Variants in ZNF385B observed in about 807,000 individuals in gnomAD.
The protein encoded by ZNF385B is zinc finger protein 533.
ZNF385B carries 23 observed loss-of-function variants against 39.2 expected under a neutral mutation model. That is an observed-to-expected ratio of 0.59 (90% CI 0.42 to 0.83). ZNF385B has a LOEUF of 0.83. Among genes scored for constraint, ZNF385B ranks in the 40% least tolerant of loss-of-function variants. The pLI, the probability that ZNF385B is intolerant of heterozygous loss-of-function variation, is 0.00. For missense variants in ZNF385B, 552 were observed against 598.9 expected (o/e 0.92, Z 0.82); for synonymous variants, 205 against 222.6 (o/e 0.92, Z 0.70).
In ZNF385B at chr2:179,701,359, AG is replaced by A. The variant is rs1225513163; in HGVS notation, c.298+68143del. On this transcript the variant is annotated intron_variant, in intron 3 of 9. Coordinates refer to ENST00000410066, the MANE Select transcript of ZNF385B (RefSeq NM_152520.6). ...GATGCAATTTATAGGTAAACTCAAG[AG>A]TTCCATTGTATTCTTAGACAATAAT... is the stretch of plus-strand genomic sequence containing the variant. Among the ~76,000 whole-genome samples, 4 of 152,334 alleles carry A rather than the reference AG, an allele frequency of 2.6e-5. No homozygotes were observed. In the East Asian group the frequency reaches 7.7e-4, roughly 29 times the overall value.
Position 179,680,596 on chromosome 2 carries a change from G to A in ZNF385B, c.298+88907C>T, listed in dbSNP as rs61256797. On this transcript the variant is annotated intron_variant, in intron 3 of 9. Coordinates refer to ENST00000410066, the MANE Select transcript of ZNF385B (RefSeq NM_152520.6). Reference sequence around the variant, plus strand: ...TTGTTAACTTTGTTATAATTAATTAGGACAAACGATTAGGATTTATAAACT... The same window carrying A: ...TTGTTAACTTTGTTATAATTAATTAAGACAAACGATTAGGATTTATAAACT... 3.8e-3 allele frequency among the ~76,000 whole-genome samples: 576 copies of A among 152,166 alleles called. 2 individuals are homozygous for A. Among genetic ancestry groups the A allele is most frequent in the African/African-American group, 0.013 (559 of 41,536 alleles).
intron 1 of ZNF385B, among the ~76,000 whole-genome samples, chr2:179,797,207 A>G (rs1705722567): frequency 6.6e-6 from 1 of 152,092 alleles, no homozygotes; most frequent in Non-Finnish European, 1.5e-5. Context: ...AACCTACACA[A>G]AAGTAGTAAA....
At chr2:179,632,059 T>C (rs890338659) in intron 3 of ZNF385B, among the ~76,000 whole-genome samples, 9 of 152,066 alleles carry the variant, frequency 5.9e-5, no homozygotes, top group Admixed American at 5.2e-4. Context: ...AGCAAATCCT[T>C]AGAGACCTAC....
intron 3 of ZNF385B, among the ~76,000 whole-genome samples, chr2:179,593,559 CT>C (rs1303715929): frequency 6.6e-6 from 1 of 152,114 alleles, no homozygotes; most frequent in African/African-American, 2.4e-5. Flanking sequence ...TACTTAAATG[CT>C]TTAAAACACT....
intron 3 of ZNF385B, among the ~76,000 whole-genome samples, chr2:179,646,357 A>G (rs1692718653): frequency 6.6e-6 from 1 of 152,258 alleles, no homozygotes; most frequent in Admixed American, 6.5e-5. Flanking sequence ...GGTTGCAGTG[A>G]GCCGAGATTG....
intron 3 of ZNF385B, among the ~76,000 whole-genome samples, chr2:179,701,338 C>A (rs1699185025): frequency 1.3e-5 from 2 of 152,168 alleles, no homozygotes; most frequent in South Asian, 4.1e-4. Flanking sequence ...TCTTAAGATG[C>A]AATTTATAGG....
chr2:179,690,948 T>C (rs1012774044), intron 3 of ZNF385B, among the ~76,000 whole-genome samples: 5 of 152,162 alleles, frequency 3.3e-5, no homozygotes, highest in African/African-American at 9.7e-5. Flanking sequence ...TGAACACTGA[T>C]TTAGATCTAG....
intron 3 of ZNF385B, among the ~76,000 whole-genome samples, chr2:179,638,260 C>T (rs1336507009): frequency 6.6e-6 from 1 of 152,084 alleles, no homozygotes; most frequent in African/African-American, 2.4e-5. Flanking sequence ...ACAACAAAAC[C>T]CCTAAGCCTC....
chr2:179,450,991 A>G (rs1208374961), intron 6 of ZNF385B, among the ~76,000 whole-genome samples: 1 of 151,626 alleles, frequency 6.6e-6, no homozygotes, highest in Admixed American at 6.6e-5. Flanking sequence ...TCAGCAAACT[A>G]TCGCAAGGAC....
chr2:179,697,302 T>G (rs2106356700), intron 3 of ZNF385B, among the ~76,000 whole-genome samples: 1 of 152,266 alleles, frequency 6.6e-6, no homozygotes, highest in Admixed American at 6.5e-5. Flanking sequence ...GGAAAGTGAT[T>G]GGATTATGCG....
chr2:179,668,717 A>G lies in ZNF385B; in HGVS notation c.298+100786T>C, dbSNP rs549122894. The stretch of plus-strand genomic sequence containing the variant: ...TTGCTACTACCTCATAAGCTAGGGG[A>G]AAAAAGGGACAATTTTAATTTTTTG... On this transcript the variant is annotated intron_variant, in intron 3 of 9. Transcript: ENST00000410066. Among the ~76,000 whole-genome samples the G allele has an allele frequency of 1.3e-3, 202 of 151,960 alleles. 1 individual carries two copies. Among genetic ancestry groups the G allele is most frequent in the African/African-American group, 4.7e-3 (194 of 41,464 alleles).
At chr2:179,693,983 G>T (rs1382318886) in intron 3 of ZNF385B, among the ~76,000 whole-genome samples, 2 of 152,118 alleles carry the variant, frequency 1.3e-5, no homozygotes, top group South Asian at 4.1e-4. Flanking sequence ...TCAAAAGTAT[G>T]TGACCCAATT....
intron 1 of ZNF385B, among the ~76,000 whole-genome samples, chr2:179,835,303 G>A (rs1708188244): frequency 6.6e-6 from 1 of 152,152 alleles, no homozygotes; most frequent in Admixed American, 6.5e-5. Context: ...CTAGTGAAGG[G>A]TTTACGCAAC....
chr2:179,502,782 A>C (rs1459564683), intron 5 of ZNF385B, among the ~76,000 whole-genome samples: 2 of 152,114 alleles, frequency 1.3e-5, no homozygotes, highest in African/African-American at 2.4e-5. Flanking sequence ...GCCACATTCT[A>C]CCTTCACCCC....
At chr2:179,582,107 C>T (rs1686597870) in intron 3 of ZNF385B, among the ~76,000 whole-genome samples, 1 of 152,132 alleles carries the variant, frequency 6.6e-6, no homozygotes. Flanking sequence ...TTCCTCATAA[C>T]CACTTCGGTA....
At chr2:179,450,537 A>G (rs545034334) in intron 6 of ZNF385B, among the ~76,000 whole-genome samples, 89 of 152,364 alleles carry the variant, frequency 5.8e-4, no homozygotes, top group African/African-American at 2.1e-3. Flanking sequence ...ATGCAAATCA[A>G]AACCACAGTG....
chr2:179,684,407 C>A (rs1373441424), intron 3 of ZNF385B, among the ~76,000 whole-genome samples: 1 of 152,152 alleles, frequency 6.6e-6, no homozygotes, highest in Non-Finnish European at 1.5e-5. Flanking sequence ...AACAAGAAAG[C>A]CTTAGGTTAC....
intron 1 of ZNF385B, among the ~76,000 whole-genome samples, chr2:179,826,266 A>G (rs1218348383): frequency 1.3e-5 from 2 of 152,180 alleles, no homozygotes; most frequent in African/African-American, 4.8e-5. Context: ...GGAGTATTTT[A>G]ACAAAGACTG....
chr2:179,527,932 G>C (rs1031694560), intron 4 of ZNF385B, among the ~76,000 whole-genome samples: 1 of 148,464 alleles, frequency 6.7e-6, no homozygotes, highest in Admixed American at 6.6e-5. Context: ...GTTGTAAGTA[G>C]CATTGAAAAA....
Sources: gnomAD v4.1 joint callset for allele counts (sites outside exome capture counted in the v4.1 genomes callset) on GRCh38, gnomAD v4.1.1 for gene constraint, MANE v1.5 for transcripts, NCBI Gene and HGNC (gene_info 2026-07-23, HGNC 2026-07-21) for gene names.